AGMO: variants seen among roughly 807,000 people sequenced by gnomAD.
AGMO encodes alkylglycerol monooxygenase, also known as glyceryl-ether monooxygenase.
A neutral mutation model predicts 60.2 loss-of-function variants in AGMO; 75 were observed. That is an observed-to-expected ratio of 1.25 (90% CI 1.03 to 1.51). AGMO has a LOEUF of 1.51. AGMO is among the 40% of genes most tolerant of loss of function. The pLI, the probability that AGMO is intolerant of heterozygous loss-of-function variation, is 0.00. For missense variants in AGMO, 763 were observed against 525.5 expected (o/e 1.45, Z -4.42); for synonymous variants, 261 against 177.1 (o/e 1.47, Z -3.76).
At chr7:15,384,004 C>T (rs946314378) in intron 10 of AGMO, among the ~76,000 whole-genome samples, 15 of 151,978 alleles carry the variant, frequency 9.9e-5, no homozygotes, top group African/African-American at 3.4e-4. Flanking sequence ...GGCGCGATCT[C>T]GGCTCACTGC....
intron 5 of AGMO, among the ~76,000 whole-genome samples, chr7:15,411,234 C>T (rs1211659404): frequency 2.6e-5 from 4 of 151,980 alleles, no homozygotes; most frequent in Non-Finnish European, 5.9e-5. Context: ...TTTGTAGCCT[C>T]TAGAACTTTG....
chr7:15,410,937 T>C (rs566301637), intron 5 of AGMO, among the ~76,000 whole-genome samples: 1 of 151,928 alleles, frequency 6.6e-6, no homozygotes, highest in African/African-American at 2.4e-5. Flanking sequence ...TACCCTATGG[T>C]TGAATGTCCC....
At chr7:15,183,830 A>C in the AGMO span, among the ~76,000 whole-genome samples, 12 of 152,314 alleles carry the variant, frequency 7.9e-5, 1 homozygote, top group East Asian at 1.7e-3. Flanking sequence ...AAATATATAA[A>C]CAAATTATTT....
chr7:15,147,416 G>A, the AGMO span, among the ~76,000 whole-genome samples: 1 of 152,164 alleles, frequency 6.6e-6, no homozygotes, highest in African/African-American at 2.4e-5. Flanking sequence ...AGGCGAGAGA[G>A]AGGACGTGTA....
intron 12 of AGMO, among the ~76,000 whole-genome samples, chr7:15,259,630 A>G (rs1305610823): frequency 2.6e-5 from 4 of 152,080 alleles, no homozygotes; most frequent in African/African-American, 9.7e-5. Context: ...GGCAAGACAA[A>G]GGAAGGAATC....
intron 3 of AGMO, among the ~76,000 whole-genome samples, chr7:15,503,295 G>C (rs950123969): frequency 1.3e-5 from 2 of 151,786 alleles, no homozygotes; most frequent in Admixed American, 6.6e-5. Flanking sequence ...TTGAGAGGGA[G>C]GTTTTATTAT....
chr7:15,216,195 C>T (rs190359409), intron 12 of AGMO, among the ~76,000 whole-genome samples: 1 of 152,060 alleles, frequency 6.6e-6, no homozygotes, highest in African/African-American at 2.4e-5. Context: ...GGAAAACAGT[C>T]TAACTAGGAC....
intron 3 of AGMO, among the ~76,000 whole-genome samples, chr7:15,540,564 C>G (rs1177843292): frequency 3.9e-5 from 6 of 152,138 alleles, no homozygotes; most frequent in Admixed American, 3.9e-4. Context: ...AGAGAAATGT[C>G]TACAGCATGC....
rs374009318 is a variant in AGMO at position 15,460,285 on chromosome 7, C to T, written c.410-29177G>A. On this transcript the variant is annotated intron_variant, in intron 3 of 12. Transcript: ENST00000342526. ...TGTATTTTTAGTAGAGATGGGGTTT[C>T]GCCATGTTGGCCAGGCTGGTCTCAA... is the stretch of plus-strand genomic sequence containing the variant. Among the ~76,000 whole-genome samples the T allele has an allele frequency of 7.9e-5, 12 of 151,930 alleles. No individual in the cohort carries two copies. The East Asian group carries it at 1.6e-3, about 20-fold the overall frequency.
intron 8 of AGMO, among the ~76,000 whole-genome samples, chr7:15,390,102 A>G (rs970864978): frequency 6.6e-6 from 1 of 152,078 alleles, no homozygotes; most frequent in Non-Finnish European, 1.5e-5. Context: ...TCAGAGCTTC[A>G]CAGACATTCC....
chr7:15,395,029 T>C (rs1321532947), intron 5 of AGMO, among the ~76,000 whole-genome samples: 1 of 152,190 alleles, frequency 6.6e-6, no homozygotes, highest in Non-Finnish European at 1.5e-5. Context: ...ATGTAAGACA[T>C]TTGGTATGTT....
chr7:15,274,639 TA>T (rs2128515722), intron 12 of AGMO, among the ~76,000 whole-genome samples: 1 of 152,022 alleles, frequency 6.6e-6, no homozygotes, highest in Admixed American at 6.6e-5. Context: ...GTAAGTTTGG[TA>T]CCAGTACTTT....
chr7:15,476,020 A>C (rs1782585730), intron 3 of AGMO, among the ~76,000 whole-genome samples: 1 of 152,102 alleles, frequency 6.6e-6, no homozygotes, highest in African/African-American at 2.4e-5. Flanking sequence ...AGTGAGATAG[A>C]TGCTGGGTCT....
chr7:15,346,093 T>A (rs903831749), intron 12 of AGMO, among the ~76,000 whole-genome samples: 1 of 152,190 alleles, frequency 6.6e-6, no homozygotes, highest in Non-Finnish European at 1.5e-5. Context: ...GATTCCCGCT[T>A]GGTTGGTATA....
intron 2 of AGMO, among the ~76,000 whole-genome samples, chr7:15,559,285 G>A (rs966061057): frequency 6.6e-6 from 1 of 152,078 alleles, no homozygotes; most frequent in Non-Finnish European, 1.5e-5. Context: ...TTGTGTGCAA[G>A]CTAGCAGGAA....
chr7:15,391,338 A>C (rs1190973733), intron 6 of AGMO, among the ~76,000 whole-genome samples: 1 of 152,004 alleles, frequency 6.6e-6, no homozygotes. Flanking sequence ...TGTTTCAGGA[A>C]GGAAATTTTC....
At chr7:15,194,150 T>C in the AGMO span, among the ~76,000 whole-genome samples, 8 of 152,276 alleles carry the variant, frequency 5.3e-5, no homozygotes, top group South Asian at 8.3e-4. Flanking sequence ...TAATTTGTAA[T>C]GATCAAGTGT....
chr7:15,198,176 T>C (rs1563030291), downstream of AGMO, among the ~76,000 whole-genome samples: 1 of 142,040 alleles, frequency 7.0e-6, no homozygotes, highest in African/African-American at 2.6e-5. Flanking sequence ...AATTGACGAG[T>C]CCTATTTTTA....
chr7:15,144,574 G>A, the AGMO span, among the ~76,000 whole-genome samples: 26 of 152,116 alleles, frequency 1.7e-4, no homozygotes, highest in Middle Eastern at 3.2e-3. Context: ...TTAAGTATGC[G>A]CATGCACGTT....
Sources: allele counts gnomAD v4.1 joint callset (sites outside exome capture counted in the v4.1 genomes callset), GRCh38; gene constraint gnomAD v4.1.1; transcripts MANE v1.5; gene names NCBI Gene and HGNC (gene_info 2026-07-23, HGNC 2026-07-21).